The following CSMD3 variants were observed in gnomAD, a reference collection of about 807,000 sequenced individuals.
The protein encoded by CSMD3 is CUB and Sushi multiple domains 3, also known as CUB and sushi domain-containing protein 3.
In CSMD3, 177 loss-of-function variants were observed where a neutral mutation model predicts 435.2. That is an observed-to-expected ratio of 0.41 (90% CI 0.36 to 0.46). CSMD3 has a LOEUF of 0.46. Ranked by LOEUF, CSMD3 falls within the 20% of genes least tolerant of loss-of-function variation. CSMD3 has a pLI of 0.34. For synonymous variants in CSMD3, 1,656 were observed against 1,520.5 expected (o/e 1.09, Z -2.07); for missense variants, 4,265 against 4,504.6 (o/e 0.95, Z 1.52).
At chr8:112,955,977 T>C (rs745339670) in intron 7 of CSMD3, among the ~76,000 whole-genome samples, 1 of 151,986 alleles carries the variant, frequency 6.6e-6, no homozygotes, top group African/African-American at 2.4e-5. Flanking sequence ...TTCTTGTTAA[T>C]AACTTCAAAA....
At chr8:112,570,686 A>G (rs958845750) in intron 24 of CSMD3, among the ~76,000 whole-genome samples, 2 of 152,226 alleles carry the variant, frequency 1.3e-5, no homozygotes, top group African/African-American at 2.4e-5. Context: ...AATAAGAAGT[A>G]ATATTTAGGA....
intron 3 of CSMD3, among the ~76,000 whole-genome samples, chr8:113,204,889 G>A (rs981699042): frequency 2.0e-5 from 3 of 151,980 alleles, no homozygotes; most frequent in African/African-American, 7.2e-5. Context: ...CACATGGCTA[G>A]AGAAGCCTCA....
chr8:113,247,099 G>A (rs1032454734), intron 3 of CSMD3, among the ~76,000 whole-genome samples: 1 of 152,196 alleles, frequency 6.6e-6, no homozygotes, highest in African/African-American at 2.4e-5. Flanking sequence ...GGCTTTCAAA[G>A]TTTCCTATGT....
At position 112,278,212 on chromosome 8, in the gene CSMD3, A is replaced by G. The variant is rs1818272322; in HGVS notation, c.9508+2962T>C. On this transcript the variant is annotated intron_variant, in intron 59 of 70. Transcript: ENST00000297405. ...AGGGATGACTATCATTACCTGAGGG[A>G]CTTTTTTGTTGTTGTTTGTGACTTG... Among the ~76,000 whole-genome samples the G allele has an allele frequency of 2.0e-5, 3 of 152,046 alleles. No homozygotes were observed. In the South Asian group the frequency reaches 6.2e-4, roughly 32 times the overall value.
chr8:112,641,979 C>G (rs1368790325), intron 20 of CSMD3, among the ~76,000 whole-genome samples: 1 of 152,012 alleles, frequency 6.6e-6, no homozygotes, highest in Admixed American at 6.6e-5. Context: ...GAAAAGACAA[C>G]CAATTCTAAT....
chr8:113,020,383 A>T (rs1035448669), intron 5 of CSMD3, among the ~76,000 whole-genome samples: 1 of 152,090 alleles, frequency 6.6e-6, no homozygotes, highest in African/African-American at 2.4e-5. Flanking sequence ...ATTGGTCATG[A>T]TTAATATATA....
intron 18 of CSMD3, 104 bp from the exon 19 acceptor site, chr8:112,650,453 A>C (rs1266013538): frequency 5.3e-6 from 5 of 950,952 alleles, no homozygotes; most frequent in Non-Finnish European, 6.8e-6. Context: ...GATTTTTACA[A>C]ATAAAGGTAC....
chr8:113,113,228 T>G (rs1418484923), intron 4 of CSMD3, among the ~76,000 whole-genome samples: 1 of 152,174 alleles, frequency 6.6e-6, no homozygotes, highest in Non-Finnish European at 1.5e-5. Flanking sequence ...GATACAGGGA[T>G]GCATGCTATG....
intron 3 of CSMD3, among the ~76,000 whole-genome samples, chr8:113,229,510 G>A (rs2093062251): frequency 1.3e-5 from 2 of 151,142 alleles, no homozygotes; most frequent in Non-Finnish European, 3.0e-5. Flanking sequence ...ATTATATTCA[G>A]TACTTGGTAT....
At chr8:112,622,262 A>G (rs368177990) in intron 22 of CSMD3, among the ~76,000 whole-genome samples, 5 of 152,220 alleles carry the variant, frequency 3.3e-5, no homozygotes, top group African/African-American at 9.6e-5. Flanking sequence ...CTCCTGTCCA[A>G]CTTTACTGTT....
intron 5 of CSMD3, among the ~76,000 whole-genome samples, chr8:113,058,031 T>C (rs1206280802): frequency 1.3e-5 from 2 of 151,882 alleles, no homozygotes; most frequent in Non-Finnish European, 2.9e-5. Context: ...AATATTTTAA[T>C]GATCTGAAAG....
intron 49 of CSMD3, 61 bp from the exon 50 acceptor site, chr8:112,311,227 G>A (rs2130816453): frequency 7.3e-7 from 1 of 1,361,918 alleles, no homozygotes; most frequent in Non-Finnish European, 1.0e-6. Flanking sequence ...TACCCAAAGT[G>A]ATAAACACCT....
intron 2 of CSMD3, among the ~76,000 whole-genome samples, chr8:113,281,923 C>CTATG (rs2093615578): frequency 6.6e-6 from 1 of 151,880 alleles, no homozygotes; most frequent in Non-Finnish European, 1.5e-5. Context: ...TGTATCTTTT[C>CTATG]TTCATATATG....
intron 37 of CSMD3, 93 bp from the exon 38 acceptor site, chr8:112,380,549 C>A: frequency 1.4e-6 from 1 of 730,624 alleles, no homozygotes; most frequent in Non-Finnish European, 2.5e-6. Context: ...TAGAATACCA[C>A]TAAAAATATG....
intron 3 of CSMD3, among the ~76,000 whole-genome samples, chr8:113,175,070 A>G (rs1253839230): frequency 6.6e-6 from 1 of 151,870 alleles, no homozygotes; most frequent in African/African-American, 2.4e-5. Context: ...ATTCTATATA[A>G]TATTACAATG....
intron 13 of CSMD3, among the ~76,000 whole-genome samples, chr8:112,708,908 A>G (rs551645774): frequency 2.6e-4 from 40 of 152,142 alleles, no homozygotes; most frequent in Admixed American, 2.6e-4. Flanking sequence ...GCTTATCTTC[A>G]GCTTCCCCAT....
chr8:112,953,475 A>G (rs1344439393), intron 8 of CSMD3, among the ~76,000 whole-genome samples: 2 of 151,456 alleles, frequency 1.3e-5, no homozygotes, highest in Non-Finnish European at 3.0e-5. Flanking sequence ...TTAATTATAC[A>G]ACCAAACCCT....
intron 4 of CSMD3, among the ~76,000 whole-genome samples, chr8:113,152,967 T>C (rs995063323): frequency 7.3e-6 from 1 of 137,476 alleles, no homozygotes; most frequent in Non-Finnish European, 1.5e-5. Context: ...TGAGACTCTT[T>C]CAGAAAAGAA....
At chr8:112,663,333 G>C (rs1048667401) in intron 17 of CSMD3, among the ~76,000 whole-genome samples, 3 of 152,008 alleles carry the variant, frequency 2.0e-5, no homozygotes, top group African/African-American at 7.2e-5. Flanking sequence ...CATGTCCTTT[G>C]TAGGGACATG....
Sources: gnomAD v4.1 joint callset for allele counts (sites outside exome capture counted in the v4.1 genomes callset) on GRCh38, gnomAD v4.1.1 for gene constraint, MANE v1.5 for transcripts, NCBI Gene and HGNC (gene_info 2026-07-23, HGNC 2026-07-21) for gene names.